Variants in PAXIP1 observed in about 807,000 individuals in gnomAD.
The protein encoded by PAXIP1 is PAX-interacting protein 1.
Under a neutral mutation model 140.6 loss-of-function variants are expected in PAXIP1, and 19 were observed. That is an observed-to-expected ratio of 0.14 (90% CI 0.09 to 0.20). The LOEUF (loss-of-function observed/expected upper bound fraction) is 0.20, where lower values mean the gene tolerates loss of function less well. Ranked by LOEUF, PAXIP1 falls within the 10% of genes least tolerant of loss-of-function variation. The probability of loss-of-function intolerance (pLI) is 1.00; values close to 1 mark genes in which losing one functional copy is unlikely to be tolerated. For synonymous variants in PAXIP1, 442 were observed against 444.6 expected, an observed-to-expected ratio of 0.99 and a Z score of 0.07; for missense variants, 920 against 1,208.6, an observed-to-expected ratio of 0.76 and a Z score of 3.54.
chr7:154,993,349 G>A (rs938694339), intron 3 of PAXIP1, among the ~76,000 whole-genome samples: 1 of 152,208 alleles, frequency 6.6e-6, no homozygotes, highest in Non-Finnish European at 1.5e-5. Context: ...AACAATGCAT[G>A]TTATAAATTT....
intron 16 of PAXIP1, chr7:154,951,310 C>T (rs1808265917): frequency 6.6e-6 from 1 of 152,252 alleles, no homozygotes; most frequent in Admixed American, 6.5e-5. Context: ...TGACTATGAC[C>T]CAAATGTCAA....
intron 16 of PAXIP1, chr7:154,950,023 A>G (rs1283595506): frequency 6.6e-6 from 1 of 152,260 alleles, no homozygotes; most frequent in Non-Finnish European, 1.5e-5. Flanking sequence ...CCTTAGTAGT[A>G]GCAATGTAAA....
At chr7:154,999,898 T>C (rs1810809137) in intron 1 of PAXIP1, among the ~76,000 whole-genome samples, 1 of 152,138 alleles carries the variant, frequency 6.6e-6, no homozygotes, top group African/African-American at 2.4e-5. Context: ...CAGCAACTGA[T>C]ACTTCAGGGA....
In PAXIP1 at chr7:155,002,904, G is replaced by A; in HGVS notation, c.26C>T (p.Pro9Leu). The A allele has an allele frequency of 1.4e-6, 2 of 1,382,658 alleles. No individual in the cohort carries two copies. Among genetic ancestry groups the A allele is most frequent in the Non-Finnish European group, 1.9e-6 (2 of 1,044,714 alleles). 85.6% of individuals were successfully genotyped at this position (1,382,658 alleles called of 1,614,324 possible). A position where few individuals can be genotyped will look rare whatever the true frequency, so the allele number is the denominator to read the frequency against. Residue 9 changes from proline to leucine, a missense_variant, in exon 1 of 21, where the codon CCT (proline) becomes CTT (leucine). Around this residue, in one of 5 missense-constraint regions of PAXIP1, gnomAD observed 419 missense variants for 514.7 expected, o/e 0.81. Transcript: ENST00000404141. Reference protein sequence around the residue: MSDQAPKVPEEMFREVKYY... With the variant: MSDQAPKVLEEMFREVKYY... ...CTTGACCTCCCTGAACATCTCCTCAGGAACTTTGGGCGCCTGGTCCGACAT... is the reference window on the plus strand; with the variant it reads ...CTTGACCTCCCTGAACATCTCCTCAAGAACTTTGGGCGCCTGGTCCGACAT...
chr7:154,962,473 A>G lies in PAXIP1; in HGVS notation c.1990-15T>C, dbSNP rs1808797696. The G allele has an allele frequency of 6.2e-7, 1 of 1,607,086 alleles. No individual in the cohort carries two copies. The highest frequency in any genetic ancestry group is 1.3e-5 in the African/African-American group (1 of 74,620). ...TCTCTTATTGCCTGTCAAACATAAA[A>G]TTATAGGTTTGTTGTTTTTGTTTTT... is the stretch of plus-strand genomic sequence containing the variant. On this transcript the variant is annotated splice_polypyrimidine_tract_variant and intron_variant, in intron 9 of 20. Transcript: ENST00000404141.
intron 10 of PAXIP1, 128 bp downstream of exon 10, chr7:154,962,192 TG>T: frequency 2.2e-6 from 2 of 925,738 alleles, no homozygotes; most frequent in Non-Finnish European, 1.6e-6. Context: ...ACTTATGAAC[TG>T]GGCAAAAGTA....
intron 1 of PAXIP1, 54 bp downstream of exon 1, chr7:155,002,795 G>A: frequency 1.9e-6 from 2 of 1,034,668 alleles, no homozygotes; most frequent in Non-Finnish European, 1.3e-6. Flanking sequence ...CGGGGACGGG[G>A]ACGGACGGGG....
In PAXIP1 at chr7:154,945,917, G is replaced by C. The variant is rs143179894; in HGVS notation, c.3194+448C>G. The C allele has an allele frequency of 4.8e-4, 471 of 985,316 alleles. 1 individual carries two copies. In the African/African-American group the frequency reaches 7.5e-3, roughly 16 times the overall value. The allele number at this position is 985,316 out of a possible 1,614,324, so 61.0% of individuals were successfully genotyped here. ...CTTTGCATTTTCCTGACATGTTGAT[G>C]AAGTATTCATTCTGCCGCTTCCATT... On this transcript the variant is annotated intron_variant, in intron 20 of 20. Transcript: ENST00000404141.
chr7:154,965,971 C>T (rs1429359894), intron 8 of PAXIP1, among the ~76,000 whole-genome samples: 3 of 152,118 alleles, frequency 2.0e-5, no homozygotes, highest in Non-Finnish European at 4.4e-5. Context: ...CTAGTTCTCT[C>T]GACACCTACT....
At position 154,998,752 on chromosome 7, in the gene PAXIP1, C is replaced by G; in HGVS notation, c.114G>C (p.Lys38Asn). The change falls in exon 2 of 21, where the codon AAG becomes AAC. Residue 38 changes from lysine to asparagine, a missense_variant. This residue lies in a region of PAXIP1 where 419 missense variants were observed against 514.7 expected (regional missense o/e 0.81). Transcript: ENST00000404141. ...VIQLLKAGKA[K>N]EVSYNALASH... Reference sequence around the variant, plus strand: ...AGGCTAGTGCATTGTAGGAAACTTCCTTCGCTTTTCCAGCCTTGAGAAGCT... The same window carrying G: ...AGGCTAGTGCATTGTAGGAAACTTCGTTCGCTTTTCCAGCCTTGAGAAGCT... 1 of 1,613,060 alleles carries G rather than the reference C, an allele frequency of 6.2e-7. No homozygotes were observed. The highest frequency in any genetic ancestry group is 1.1e-5 in the South Asian group (1 of 90,850).
intron 6 of PAXIP1, among the ~76,000 whole-genome samples, chr7:154,970,685 G>A (rs1341965862): frequency 1.3e-5 from 2 of 152,156 alleles, no homozygotes; most frequent in African/African-American, 4.8e-5. Flanking sequence ...CACCCCCTAA[G>A]AAGCATGCAC....
chr7:154,961,073 T>C lies in PAXIP1; in HGVS notation c.2254A>G (p.Thr752Ala). The C allele has an allele frequency of 6.4e-7, 1 of 1,551,220 alleles. No homozygotes were observed. Among genetic ancestry groups the C allele is most frequent in the Non-Finnish European group, 8.7e-7 (1 of 1,150,618 alleles). ...SNTVLICKEP[T>A]GLKYEKAKEW... ...TTGGCTTTTTCATACTTTAAACCAG[T>C]TGGTCTTTTTATTTTTTGAGGAGAA... The change falls in exon 12 of 21, where the codon ACT becomes GCT. Residue 752 changes from threonine (T) to alanine (A), a missense_variant. By Grantham distance (58) the Thr-to-Ala change is moderately conservative. This residue lies in a region of PAXIP1 where 303 missense variants were observed against 517.9 expected (regional missense o/e 0.59). Coordinates refer to ENST00000404141, the MANE Select transcript of PAXIP1 (RefSeq NM_007349.4).
chr7:154,967,329 A>G (rs1389230531), intron 8 of PAXIP1: 1 of 152,900 alleles, frequency 6.5e-6, no homozygotes, highest in African/African-American at 2.4e-5. Flanking sequence ...TGTTTTGGGG[A>G]ATGCAAGAAA....
intron 1 of PAXIP1, 62 bp downstream of exon 1, chr7:155,002,785 CGG>C (rs1188716820): frequency 1.1e-6 from 1 of 929,590 alleles, no homozygotes. Flanking sequence ...GGGACGGGGA[CGG>C]GGACGGGGAC....
In PAXIP1 at chr7:154,950,136, T is replaced by C. The variant is rs184285327; in HGVS notation, c.2822-2133A>G. 5 of 152,184 alleles carry C rather than the reference T, an allele frequency of 3.3e-5. No homozygotes were observed. In the East Asian group the frequency reaches 9.7e-4, roughly 29 times the overall value. 9.4% of individuals were successfully genotyped at this position (152,184 alleles called of 1,614,324 possible). A position where few individuals can be genotyped will look rare whatever the true frequency, so the allele number is the denominator to read the frequency against. On this transcript the variant is annotated intron_variant, in intron 16 of 20. Coordinates refer to ENST00000404141, the MANE Select transcript of PAXIP1 (RefSeq NM_007349.4). ...TCTCAAATTTTATGTAAGTTACACA[T>C]AAATATAAAATCCCAAAAACATGCA...
rs1421640563 is a variant in PAXIP1 at position 154,986,185 on chromosome 7, G to A, written c.325-2853C>T. ...CTCCAGCTTGTATCAACACCCTGAC[G>A]GGGAAAAGACAGAAGGTCACTGAGA... On this transcript the variant is annotated intron_variant, in intron 4 of 20. Transcript: ENST00000404141. The surrounding 1 kb of genome is among the most constrained non-coding windows in gnomAD (Gnocchi z 4.8). The A allele has an allele frequency of 2.2e-6, 3 of 1,358,056 alleles. No individual in the cohort carries two copies. Among genetic ancestry groups the A allele is most frequent in the Middle Eastern group, 2.2e-4 (1 of 4,610 alleles). The allele number at this position is 1,358,056 out of a possible 1,614,324, so 84.1% of individuals were successfully genotyped here. A position where few individuals can be genotyped will look rare whatever the true frequency, so the allele number is the denominator to read the frequency against.
chr7:154,962,508 G>A (rs777982304), intron 9 of PAXIP1, 50 bp from the exon 10 acceptor site: 3 of 1,548,514 alleles, frequency 1.9e-6, no homozygotes, highest in Non-Finnish European at 2.6e-6. Context: ...TCTGCTGCAG[G>A]ATTAAAGAAA....
At chr7:154,982,063 C>A (rs933465726) in intron 5 of PAXIP1, among the ~76,000 whole-genome samples, 2 of 152,156 alleles carry the variant, frequency 1.3e-5, no homozygotes, top group African/African-American at 4.8e-5. Context: ...TTCATTTCCC[C>A]TTCAAATTAA....
intron 4 of PAXIP1, among the ~76,000 whole-genome samples, chr7:154,990,336 C>T (rs1247547295): frequency 1.3e-5 from 2 of 152,130 alleles, no homozygotes; most frequent in Admixed American, 6.5e-5. Flanking sequence ...CCACCATGCC[C>T]GGCCGACTTG....
Sources: allele counts gnomAD v4.1 joint callset (sites outside exome capture counted in the v4.1 genomes callset), GRCh38; gene constraint gnomAD v4.1.1; regional missense constraint gnomAD v4.1.1; non-coding constraint Gnocchi (gnomAD v3.1); transcripts MANE v1.5; gene names NCBI Gene and HGNC (gene_info 2026-07-23, HGNC 2026-07-21).